DPY19L1: variants seen among roughly 807,000 people sequenced by gnomAD.
The protein encoded by DPY19L1 is protein C-mannosyl-transferase DPY19L1.
DPY19L1 carries 35 observed loss-of-function variants against 96.9 expected under a neutral mutation model. The ratio of observed to expected loss-of-function variants is 0.36; its 90% CI spans 0.28 to 0.48. The LOEUF (loss-of-function observed/expected upper bound fraction) is 0.48, where lower values mean the gene tolerates loss of function less well. DPY19L1 is among the 20% of genes least tolerant of loss of function. The pLI, the probability that DPY19L1 is intolerant of heterozygous loss-of-function variation, is 0.99. For missense variants in DPY19L1, 521 were observed against 777.9 expected, an observed-to-expected ratio of 0.67 and a Z score of 3.93; for synonymous variants, 205 against 252.6, an observed-to-expected ratio of 0.81 and a Z score of 1.79.
intron 13 of DPY19L1, among the ~76,000 whole-genome samples, chr7:34,951,392 A>G (rs1308537092): frequency 6.6e-6 from 1 of 152,102 alleles, no homozygotes; most frequent in African/African-American, 2.4e-5. Context: ...ATGTAACAAT[A>G]AATTCCAAAA....
chr7:34,976,112 T>C (rs1439108010), intron 7 of DPY19L1, among the ~76,000 whole-genome samples: 2 of 152,232 alleles, frequency 1.3e-5, no homozygotes, highest in Non-Finnish European at 2.9e-5. Context: ...CTAGCTGCTA[T>C]AGTGATTCCT....
chr7:34,995,925 C>T (rs899056013), intron 6 of DPY19L1, among the ~76,000 whole-genome samples: 1 of 5,346 alleles, frequency 1.9e-4, no homozygotes, highest in African/African-American at 9.7e-4. Flanking sequence ...GTGGGGGGGG[C>T]GGTGGGGGGG....
At chr7:35,034,068 C>T (rs755527037) in intron 1 of DPY19L1, among the ~76,000 whole-genome samples, 7 of 152,028 alleles carry the variant, frequency 4.6e-5, no homozygotes, top group Non-Finnish European at 1.0e-4. Context: ...CCATTGACCA[C>T]AGGAACCAGG....
intron 1 of DPY19L1, among the ~76,000 whole-genome samples, chr7:35,023,619 A>G (rs1786046689): frequency 6.6e-6 from 1 of 152,172 alleles, no homozygotes; most frequent in African/African-American, 2.4e-5. Context: ...ATTTATCAGC[A>G]TTTTACAAAT....
At chr7:34,974,755 A>G (rs1031434782) in intron 7 of DPY19L1, among the ~76,000 whole-genome samples, 42 of 152,266 alleles carry the variant, frequency 2.8e-4, no homozygotes, top group African/African-American at 9.4e-4. Flanking sequence ...TCTGTCACAA[A>G]TTGAAGGTTT....
chr7:35,032,414 A>G (rs183181825), intron 1 of DPY19L1, among the ~76,000 whole-genome samples: 12 of 152,308 alleles, frequency 7.9e-5, no homozygotes, highest in African/African-American at 2.9e-4. Context: ...AGGACTGAGT[A>G]AACAGTTAAA....
intron 6 of DPY19L1, among the ~76,000 whole-genome samples, chr7:35,008,169 C>A (rs1262048723): frequency 2.0e-5 from 3 of 152,114 alleles, no homozygotes; most frequent in Admixed American, 2.0e-4. Context: ...CCATGCAGAA[C>A]AAATTTCTCC....
rs1785708389 is a variant in DPY19L1, at chr7:35,011,383, A to T, written c.617T>A (p.Ile206Lys). 6.2e-7 allele frequency: 1 copy of T among 1,613,468 alleles called. No individual in the cohort carries two copies. The highest frequency in any genetic ancestry group is 1.3e-5 in the African/African-American group (1 of 74,920). ...IMDLIGIQTK[I>K]CWTVTRGEGL... The stretch of plus-strand genomic sequence containing the variant: ...TTCTCCTCTGGTAACCGTCCAACAT[A>T]TCTTGGTTTGAATACCAATCAAGTC... Residue 206 changes from isoleucine to lysine, a missense_variant, in exon 5 of 22, where the codon ATA (isoleucine) becomes AAA (lysine). By Grantham distance (102) the Ile-to-Lys change is moderately radical. Coordinates refer to ENST00000638088, the MANE Select transcript of DPY19L1 (RefSeq NM_001366673.1).
At chr7:34,939,431 T>A in intron 19 of DPY19L1, 56 bp from the exon 20 acceptor site, 1 of 1,448,792 alleles carries the variant, frequency 6.9e-7, no homozygotes, top group Non-Finnish European at 9.7e-7. Flanking sequence ...AGAAGGTGTC[T>A]CCTTCAAGTG....
chr7:35,028,062 A>C (rs1417617977), intron 1 of DPY19L1, among the ~76,000 whole-genome samples: 2 of 152,234 alleles, frequency 1.3e-5, no homozygotes, highest in East Asian at 3.8e-4. Context: ...TCTGTTTGTC[A>C]GTTGCAGTTT....
chr7:34,993,624 A>T (rs1270564879), intron 6 of DPY19L1, among the ~76,000 whole-genome samples: 1 of 152,024 alleles, frequency 6.6e-6, no homozygotes, highest in East Asian at 1.9e-4. Flanking sequence ...CCACCCAAGA[A>T]AAAATTGTCA....
At chr7:34,977,725 A>C (rs909934219) in intron 7 of DPY19L1, among the ~76,000 whole-genome samples, 2 of 152,214 alleles carry the variant, frequency 1.3e-5, no homozygotes, top group African/African-American at 2.4e-5. Flanking sequence ...TTTAAATGTA[A>C]AATAAAAAGT....
chr7:35,023,365 T>C (rs964259993), intron 1 of DPY19L1, among the ~76,000 whole-genome samples: 2 of 152,064 alleles, frequency 1.3e-5, no homozygotes, highest in African/African-American at 4.8e-5. Flanking sequence ...CTCTTTCTCC[T>C]CCCCAAGGTG....
intron 3 of DPY19L1, among the ~76,000 whole-genome samples, chr7:35,017,577 C>T (rs977768120): frequency 2.7e-4 from 40 of 147,654 alleles, no homozygotes; most frequent in Non-Finnish European, 4.9e-4. Flanking sequence ...GAGGCTGAGG[C>T]AGGAGAATGG....
chr7:34,934,115 C>G (rs12533229), intron 21 of DPY19L1, among the ~76,000 whole-genome samples: 1 of 152,000 alleles, frequency 6.6e-6, no homozygotes, highest in Non-Finnish European at 1.5e-5. Context: ...AGGTGCCCAC[C>G]ACCACGCCCA....
chr7:35,029,507 A>G (rs1437340939), intron 1 of DPY19L1, among the ~76,000 whole-genome samples: 1 of 152,150 alleles, frequency 6.6e-6, no homozygotes, highest in African/African-American at 2.4e-5. Flanking sequence ...ACCCATTCCA[A>G]TGGTAAGATA....
chr7:35,017,892 C>A lies in DPY19L1; in HGVS notation c.401G>T (p.Arg134Leu), dbSNP rs746574386. Residue 134 changes from arginine to leucine, a missense_variant, in exon 3 of 22, where the codon CGC (arginine) becomes CTC (leucine). Arg to Leu is a moderately radical substitution (Grantham distance 102, BLOSUM62 -2). Coordinates refer to ENST00000638088, the MANE Select transcript of DPY19L1 (RefSeq NM_001366673.1). ...CAAATAAAAACTAACCATTTCAGTGCGAAAAGCCATCTCCCTTTCCAATGT... is the reference window on the plus strand; with the variant it reads ...CAAATAAAAACTAACCATTTCAGTGAGAAAAGCCATCTCCCTTTCCAATGT... ...LSTLEREMAF[R>L]TEMGLYYSYF... The A allele has an allele frequency of 8.1e-6, 13 of 1,602,390 alleles. No individual in the cohort carries two copies. The Admixed American group carries it at 1.2e-4, about 15-fold the overall frequency.
At chr7:35,001,664 A>C (rs1361771954) in intron 6 of DPY19L1, among the ~76,000 whole-genome samples, 1 of 152,212 alleles carries the variant, frequency 6.6e-6, no homozygotes, top group African/African-American at 2.4e-5. Flanking sequence ...TTCTGCTCAC[A>C]TCATTTATTC....
chr7:34,940,150 T>TA lies in DPY19L1; in HGVS notation c.1864+2dup. The TA allele has an allele frequency of 6.8e-7, 1 of 1,462,554 alleles. No individual in the cohort carries two copies. The allele number at this position is 1,462,554 out of a possible 1,614,324, so 90.6% of individuals were successfully genotyped here. A position where few individuals can be genotyped will look rare whatever the true frequency, so the allele number is the denominator to read the frequency against. ...ACTTTTTTTTTCTTTTTTTTTTTTT[T>TA]ACCTGGTTTAGTACTATATTTGATC... On this transcript the variant is annotated splice_region_variant and intron_variant, in intron 19 of 21. Coordinates refer to ENST00000638088, the MANE Select transcript of DPY19L1 (RefSeq NM_001366673.1).
Sources: allele counts gnomAD v4.1 joint callset (sites outside exome capture counted in the v4.1 genomes callset), GRCh38; gene constraint gnomAD v4.1.1; transcripts MANE v1.5; gene names NCBI Gene and HGNC (gene_info 2026-07-23, HGNC 2026-07-21).